Variants in ARL6IP6 observed in about 807,000 individuals in gnomAD.
The protein encoded by ARL6IP6 is ARF like GTPase 6 interacting protein 6.
Under a neutral mutation model 21.5 loss-of-function variants are expected in ARL6IP6, and 22 were observed. The ratio of observed to expected loss-of-function variants is 1.02; its 90% CI spans 0.73 to 1.46. ARL6IP6 has a LOEUF of 1.46. Ranked by LOEUF, ARL6IP6 falls within the 40% of genes most tolerant of loss-of-function variation. ARL6IP6 has a pLI of 0.00. For synonymous variants in ARL6IP6, 164 were observed against 125.3 expected (o/e 1.31, Z -2.06); for missense variants, 388 against 299.8 (o/e 1.29, Z -2.17).
chr2:152,731,474 A>G lies in ARL6IP6; in HGVS notation c.455-3520A>G, dbSNP rs2105117477. The stretch of plus-strand genomic sequence containing the variant: ...TCGTAAGTCATCTGCTAGGGTTCTC[A>G]ACTCTTCCTGTATTCTTGAGGCATG... On this transcript the variant is annotated intron_variant, in intron 2 of 3. Transcript: ENST00000326446. Among the ~76,000 whole-genome samples, 5 of 152,260 alleles carry G rather than the reference A, an allele frequency of 3.3e-5. No individual in the cohort carries two copies. In the South Asian group the frequency reaches 1.0e-3, roughly 32 times the overall value.
intron 3 of ARL6IP6, among the ~76,000 whole-genome samples, chr2:152,750,356 A>G (rs1701267612): frequency 6.6e-6 from 1 of 151,578 alleles, no homozygotes; most frequent in African/African-American, 2.4e-5. Flanking sequence ...TGTGTTTGTG[A>G]CCCCAGCTAC....
chr2:152,742,967 T>A (rs1280134463), intron 3 of ARL6IP6, among the ~76,000 whole-genome samples: 1 of 152,222 alleles, frequency 6.6e-6, no homozygotes, highest in African/African-American at 2.4e-5. Context: ...CTAACTTACC[T>A]CCTCTGCATT....
rs1286697954 is a variant in ARL6IP6 at position 152,718,849 on chromosome 2, G to C, written c.225G>C (p.Pro75=). 6.2e-7 allele frequency: 1 copy of C among 1,612,588 alleles called. No homozygotes were observed. The highest frequency in any genetic ancestry group is 1.7e-5 in the Admixed American group (1 of 59,856). The part of the protein sequence containing the change: ...SEPRKRSVLP[P]DGNGSPVLPD... The stretch of plus-strand genomic sequence containing the variant: ...CCAGAAAGCGCTCGGTGCTCCCGCC[G>C]GACGGGAACGGGTCGCCCGTTCTGC... The change falls in exon 1 of 4, where the codon CCG becomes CCC. Residue 75 remains proline, a synonymous_variant. Coordinates refer to ENST00000326446, the MANE Select transcript of ARL6IP6 (RefSeq NM_152522.7).
At chr2:152,717,916 G>A (rs565567239), upstream of ARL6IP6, 71 of 1,005,014 alleles carry the variant, frequency 7.1e-5, 3 homozygotes, top group Middle Eastern at 3.0e-3. Flanking sequence ...CGCGCGCGCG[G>A]TGCTCGAGGC....
At chr2:152,721,938 A>G (rs1172459195) in intron 2 of ARL6IP6, among the ~76,000 whole-genome samples, 2 of 152,218 alleles carry the variant, frequency 1.3e-5, no homozygotes, top group African/African-American at 4.8e-5. Context: ...ATGTTTTTAC[A>G]TTGTTTTATC....
intron 3 of ARL6IP6, among the ~76,000 whole-genome samples, chr2:152,741,586 TAAG>T (rs942288762): frequency 2.0e-5 from 3 of 152,196 alleles, no homozygotes; most frequent in Non-Finnish European, 2.9e-5. Flanking sequence ...CAATAATTCA[TAAG>T]AAGAGGTTGA....
intron 3 of ARL6IP6, among the ~76,000 whole-genome samples, chr2:152,746,024 TTTTTTTTTTTA>T (rs1259442742): frequency 1.1e-5 from 1 of 93,820 alleles, no homozygotes; most frequent in Non-Finnish European, 2.6e-5. Context: ...TTTTTTTTTT[TTTTTTTTTTTA>T]AAGACAGGTT....
At chr2:152,720,662 G>T in intron 2 of ARL6IP6, 76 bp downstream of exon 2, 1 of 1,283,524 alleles carries the variant, frequency 7.8e-7, no homozygotes, top group South Asian at 1.3e-5. Flanking sequence ...ACTAACTCTG[G>T]GATAAAATAC....
chr2:152,754,545 G>A (rs1701489296), intron 3 of ARL6IP6, among the ~76,000 whole-genome samples: 1 of 152,066 alleles, frequency 6.6e-6, no homozygotes, highest in South Asian at 2.1e-4. Flanking sequence ...ACAAGTTTTT[G>A]TGTGACTTGT....
chr2:152,721,286 A>C (rs1025413115), intron 2 of ARL6IP6, among the ~76,000 whole-genome samples: 6 of 152,180 alleles, frequency 3.9e-5, no homozygotes, highest in African/African-American at 1.4e-4. Flanking sequence ...CTATCCTAGC[A>C]AAGGTAAATA....
intron 3 of ARL6IP6, among the ~76,000 whole-genome samples, chr2:152,752,022 A>T (rs1378314852): frequency 6.6e-6 from 1 of 152,216 alleles, no homozygotes; most frequent in Non-Finnish European, 1.5e-5. Flanking sequence ...AATTTCAGAA[A>T]TTATAGTCAT....
Position 152,718,823 on chromosome 2 carries a change from C to T in ARL6IP6, c.199C>T (p.Pro67Ser), listed in dbSNP as rs1559216447. The T allele has an allele frequency of 1.9e-6, 3 of 1,609,268 alleles. No homozygotes were observed. Among genetic ancestry groups the T allele is most frequent in the South Asian group, 2.2e-5 (2 of 90,600 alleles). ...GTTCTCGGCTGGGGCGTGGTCAGAG[C>T]CCAGAAAGCGCTCGGTGCTCCCGCC... ...AEFSAGAWSE[P>S]RKRSVLPPDG... Residue 67 changes from proline to serine, a missense_variant, in exon 1 of 4, where the codon CCC becomes TCC. Physicochemically the swap from Pro to Ser is moderately conservative, Grantham distance 74. Transcript: ENST00000326446.
At position 152,754,308 on chromosome 2, in the gene ARL6IP6, G is replaced by A. The variant is rs116146457; in HGVS notation, c.588-5439G>A. On this transcript the variant is annotated intron_variant, in intron 3 of 3. Transcript: ENST00000326446. ...CTGGACATTTCATATAAATGGAATC[G>A]TACAGATTTTTTTTTAATGTAGTCT... is the stretch of plus-strand genomic sequence containing the variant. 4.9e-3 allele frequency among the ~76,000 whole-genome samples: 725 copies of A among 148,082 alleles called. 4 individuals are homozygous for A. The highest frequency in any genetic ancestry group is 0.016 in the African/African-American group (673 of 40,966).
At chr2:152,734,203 A>G (rs1184512410) in intron 2 of ARL6IP6, among the ~76,000 whole-genome samples, 2 of 152,268 alleles carry the variant, frequency 1.3e-5, no homozygotes, top group East Asian at 3.9e-4. Context: ...CCATTATAAT[A>G]TTGTTCTTTT....
At position 152,718,777 on chromosome 2, in the gene ARL6IP6, G is replaced by C; in HGVS notation, c.153G>C (p.Val51=). ...ACGAGGAGGAGGGATGCGACCAAGT[G>C]GCCCGCGACCTGCGGGCGGAGTTCT... ...EVDEEEGCDQ[V]ARDLRAEFSA... is the part of the protein sequence containing the mutation. Residue 51 remains valine (V), a synonymous_variant, in exon 1 of 4, where the codon GTG becomes GTC. Coordinates refer to ENST00000326446, the MANE Select transcript of ARL6IP6 (RefSeq NM_152522.7). 1 of 1,608,794 alleles carries C rather than the reference G, an allele frequency of 6.2e-7. No homozygotes were observed. Among genetic ancestry groups the C allele is most frequent in the Non-Finnish European group, 8.5e-7 (1 of 1,177,422 alleles).
At chr2:152,717,947 G>A (rs1423563233), upstream of ARL6IP6, 2 of 1,008,104 alleles carry the variant, frequency 2.0e-6, no homozygotes, top group South Asian at 3.8e-5. Context: ...AGGCGGGGAA[G>A]GCGAAAGGAG....
chr2:152,717,859 G>A (rs1181576844), upstream of ARL6IP6: 7 of 1,089,774 alleles, frequency 6.4e-6, no homozygotes, highest in South Asian at 4.9e-5. Context: ...GGGTGGAGGG[G>A]GCGGGGGTAA....
chr2:152,725,586 C>A (rs1700005286), intron 2 of ARL6IP6, among the ~76,000 whole-genome samples: 1 of 151,688 alleles, frequency 6.6e-6, no homozygotes, highest in Non-Finnish European at 1.5e-5. Context: ...GTCCTCTTTT[C>A]GTCAAAATAA....
At chr2:152,739,527 T>C (rs960529014) in intron 3 of ARL6IP6, among the ~76,000 whole-genome samples, 1 of 152,160 alleles carries the variant, frequency 6.6e-6, no homozygotes, top group African/African-American at 2.4e-5. Flanking sequence ...TCATTGTCCA[T>C]ATCAAGATCG....
Sources: gnomAD v4.1 joint callset for allele counts (sites outside exome capture counted in the v4.1 genomes callset) on GRCh38, gnomAD v4.1.1 for gene constraint, MANE v1.5 for transcripts, NCBI Gene and HGNC (gene_info 2026-07-23, HGNC 2026-07-21) for gene names.